NMT1: variants seen among roughly 807,000 people sequenced by gnomAD.
NMT1 encodes N-myristoyltransferase 1.
NMT1 carries 12 observed loss-of-function variants against 63.4 expected under a neutral mutation model. That is an observed-to-expected ratio of 0.19 (90% confidence interval 0.12 to 0.31). NMT1 has a LOEUF of 0.31. Ranked by LOEUF, NMT1 falls within the 10% of genes least tolerant of loss-of-function variation. NMT1 has a pLI of 1.00. For missense variants in NMT1, 432 were observed against 634.6 expected (o/e 0.68, Z 3.43); for synonymous variants, 228 against 234.3 (o/e 0.97, Z 0.25).
At chr17:45,078,302 A>G (rs1476832904) in intron 1 of NMT1, among the ~76,000 whole-genome samples, 2 of 152,218 alleles carry the variant, frequency 1.3e-5, no homozygotes, top group African/African-American at 4.8e-5. Context: ...TATAGAGTTC[A>G]GGTGATGCAG....
At chr17:45,094,874 G>A (rs1438884278) in intron 4 of NMT1, among the ~76,000 whole-genome samples, 5 of 144,738 alleles carry the variant, frequency 3.5e-5, no homozygotes, top group African/African-American at 7.8e-5. Context: ...GTGCAGTGGC[G>A]CGATCTTGGC....
rs566434608 is a variant in NMT1, at chr17:45,081,524, T to C, written c.132-120T>C. 10 of 867,368 alleles carry C rather than the reference T, an allele frequency of 1.2e-5. No homozygotes were observed. The Admixed American group carries it at 1.4e-4, about 12-fold the overall frequency. 53.7% of individuals were successfully genotyped at this position (867,368 alleles called of 1,614,324 possible). ...CTTTCTGGACCTGGGTTCTTCAGCC[T>C]GCTTCTGAAGCCAACAGGCTTGATT... On this transcript the variant is annotated intron_variant, in intron 1 of 11. Transcript: ENST00000258960.
At position 45,102,856 on chromosome 17, in the gene NMT1, C is replaced by G; in HGVS notation, c.994-95C>G. Reference sequence around the variant, plus strand: ...GGGGTGCAGGGAGCCGCCGAATGACCAGGGATTCTCTCTTGAGGGCCTGAT... The same window carrying G: ...GGGGTGCAGGGAGCCGCCGAATGACGAGGGATTCTCTCTTGAGGGCCTGAT... On this transcript the variant is annotated intron_variant, in intron 8 of 11. Transcript: ENST00000258960. 4 of 1,220,446 alleles carry G rather than the reference C, an allele frequency of 3.3e-6. No individual in the cohort carries two copies. In the South Asian group the frequency reaches 6.5e-5, roughly 20 times the overall value. The allele number at this position is 1,220,446 out of a possible 1,614,324, so 75.6% of individuals were successfully genotyped here.
chr17:45,075,031 C>T (rs1353594865), intron 1 of NMT1, among the ~76,000 whole-genome samples: 1 of 152,112 alleles, frequency 6.6e-6, no homozygotes, highest in Non-Finnish European at 1.5e-5. Flanking sequence ...CTAAAATTAG[C>T]CAGGCATGGT....
At chr17:45,075,947 G>A (rs576019594) in intron 1 of NMT1, among the ~76,000 whole-genome samples, 2 of 152,222 alleles carry the variant, frequency 1.3e-5, no homozygotes, top group South Asian at 4.1e-4. Flanking sequence ...GTATGTGCCT[G>A]TATTCCCAGC....
intron 1 of NMT1, among the ~76,000 whole-genome samples, chr17:45,079,293 G>A (rs1373739951): frequency 1.3e-5 from 2 of 151,910 alleles, no homozygotes; most frequent in Admixed American, 1.3e-4. Flanking sequence ...TAGTAGAGAC[G>A]GGGTTTCACC....
At chr17:45,069,942 A>G (rs895366082) in intron 1 of NMT1, among the ~76,000 whole-genome samples, 1 of 152,142 alleles carries the variant, frequency 6.6e-6, no homozygotes, top group Non-Finnish European at 1.5e-5. Flanking sequence ...CCACTGCTCA[A>G]CATATTCTTG....
chr17:45,070,287 C>CTG (rs1433604597), intron 1 of NMT1, among the ~76,000 whole-genome samples: 1 of 151,910 alleles, frequency 6.6e-6, no homozygotes, highest in African/African-American at 2.4e-5. Context: ...GAGTCTCACT[C>CTG]TCACCCAGGC....
chr17:45,081,766 T>TA lies in NMT1; in HGVS notation c.240+14_240+15insA. On this transcript the variant is annotated intron_variant, in intron 2 of 11. Coordinates refer to ENST00000258960, the MANE Select transcript of NMT1 (RefSeq NM_021079.5). ...CAGCCTGTGAAGGTAACAAGGAGGT[T>TA]CTGTTTTTTGTGACTCAGTCACTTT... The TA allele has an allele frequency of 6.5e-7, 1 of 1,537,474 alleles. No homozygotes were observed.
intron 1 of NMT1, among the ~76,000 whole-genome samples, chr17:45,069,804 T>G (rs973490679): frequency 4.0e-5 from 6 of 150,792 alleles, no homozygotes; most frequent in African/African-American, 1.5e-4. Context: ...CTCTTCATGA[T>G]AGACAAATAT....
At chr17:45,099,624 A>G in intron 8 of NMT1, 111 bp downstream of exon 8, 1 of 741,700 alleles carries the variant, frequency 1.3e-6, no homozygotes, top group Non-Finnish European at 2.4e-6. Flanking sequence ...CCTACTGGAA[A>G]AGCGAACCAG....
rs749401072 is a variant in NMT1 at position 45,078,486 on chromosome 17, G to GTA, written c.132-3145_132-3144dup. 9.4e-3 allele frequency among the ~76,000 whole-genome samples: 1,414 copies of GTA among 150,528 alleles called. 17 individuals are homozygous for GTA. Among genetic ancestry groups the GTA allele is most frequent in the African/African-American group, 0.029 (1,214 of 41,214 alleles). On this transcript the variant is annotated intron_variant, in intron 1 of 11. Coordinates refer to ENST00000258960, the MANE Select transcript of NMT1 (RefSeq NM_021079.5). ...TGTGATTTCAGATCACTTTCTCCCT[G>GTA]TATATATATATATACACAGTATCTG...
chr17:45,099,572 G>C (rs2054148233), intron 8 of NMT1, 59 bp downstream of exon 8: 1 of 1,243,042 alleles, frequency 8.0e-7, no homozygotes, highest in African/African-American at 1.5e-5. Context: ...GAGCCTGGCT[G>C]TCAGCAGGAG....
intron 1 of NMT1, among the ~76,000 whole-genome samples, chr17:45,078,655 TTTTG>T (rs891708690): frequency 4.6e-5 from 7 of 151,940 alleles, no homozygotes; most frequent in East Asian, 1.9e-4. Flanking sequence ...TTTGGTGTTT[TTTTG>T]TTTGTTTGTT....
chr17:45,094,375 C>T (rs1026231223), intron 4 of NMT1, among the ~76,000 whole-genome samples: 8 of 151,410 alleles, frequency 5.3e-5, no homozygotes, highest in African/African-American at 1.9e-4. Context: ...ACGCCTGTAT[C>T]CCAGCTACTC....
chr17:45,069,954 T>C (rs2053929195), intron 1 of NMT1, among the ~76,000 whole-genome samples: 1 of 151,948 alleles, frequency 6.6e-6, no homozygotes, highest in Admixed American at 6.6e-5. Context: ...ATATTCTTGA[T>C]AATGGTCTCT....
At chr17:45,062,021 C>A (rs977447101) in intron 1 of NMT1, 2 of 152,244 alleles carry the variant, frequency 1.3e-5, no homozygotes, top group African/African-American at 4.8e-5. Context: ...TACATAGTTT[C>A]CATTGCTCCA....
chr17:45,107,602 C>T lies in NMT1; in HGVS notation c.*1963C>T, dbSNP rs768824847. ...CCCAGAGTGGCTCACCCTGTCCAGA[C>T]CTTTGAGGATATCAAAGGACAAAGT... On this transcript the variant is annotated 3_prime_UTR_variant, in exon 12 of 12. Coordinates refer to ENST00000258960, the MANE Select transcript of NMT1 (RefSeq NM_021079.5). 1.3e-5 allele frequency: 2 copies of T among 152,580 alleles called. No homozygotes were observed. The highest frequency in any genetic ancestry group is 2.4e-5 in the African/African-American group (1 of 41,464). 9.5% of individuals were successfully genotyped at this position (152,580 alleles called of 1,614,324 possible). A position where few individuals can be genotyped will look rare whatever the true frequency, so the allele number is the denominator to read the frequency against.
chr17:45,081,767 C>CCT lies in NMT1; in HGVS notation c.240+15_240+16insCT. On this transcript the variant is annotated intron_variant, in intron 2 of 11. Transcript: ENST00000258960. The stretch of plus-strand genomic sequence containing the variant: ...AGCCTGTGAAGGTAACAAGGAGGTT[C>CCT]TGTTTTTTGTGACTCAGTCACTTTT... 1 of 1,534,116 alleles carries CCT rather than the reference C, an allele frequency of 6.5e-7. No individual in the cohort carries two copies.
Sources: allele counts gnomAD v4.1 joint callset (sites outside exome capture counted in the v4.1 genomes callset), GRCh38; gene constraint gnomAD v4.1.1; transcripts MANE v1.5; gene names NCBI Gene and HGNC (gene_info 2026-07-23, HGNC 2026-07-21).